The following LRFN2 variants were observed in gnomAD, a reference collection of about 807,000 sequenced individuals.
The protein encoded by LRFN2 is leucine rich repeat and fibronectin type III domain containing 2.
LRFN2 carries 18 observed loss-of-function variants against 37.3 expected under a neutral mutation model. The observed-to-expected ratio is 0.48, with a 90% confidence interval of 0.33 to 0.72. LRFN2 has a LOEUF of 0.72. Among genes scored for constraint, LRFN2 ranks in the 30% least tolerant of loss-of-function variants. LRFN2 has a pLI of 0.02. For missense variants in LRFN2, 1,006 were observed against 1,060.7 expected (o/e 0.95, Z 0.72); for synonymous variants, 556 against 466.6 (o/e 1.19, Z -2.47).
intron 1 of LRFN2, among the ~76,000 whole-genome samples, chr6:40,444,556 T>C (rs1309111599): frequency 6.6e-6 from 1 of 152,172 alleles, no homozygotes; most frequent in Non-Finnish European, 1.5e-5. Flanking sequence ...AATGGGAGTA[T>C]CCTGACTCTC....
chr6:40,428,764 C>T (rs1350480092), intron 2 of LRFN2, among the ~76,000 whole-genome samples: 1 of 152,168 alleles, frequency 6.6e-6, no homozygotes, highest in Non-Finnish European at 1.5e-5. Flanking sequence ...CACATAGTAG[C>T]CTGGCAGTAA....
At chr6:40,450,846 A>G (rs1053077149) in intron 1 of LRFN2, among the ~76,000 whole-genome samples, 2 of 152,242 alleles carry the variant, frequency 1.3e-5, no homozygotes, top group Non-Finnish European at 2.9e-5. Flanking sequence ...AATGAGTATT[A>G]TCTCGAGGAG....
At chr6:40,564,882 C>T (rs1398681098) in intron 1 of LRFN2, among the ~76,000 whole-genome samples, 1 of 152,170 alleles carries the variant, frequency 6.6e-6, no homozygotes, top group African/African-American at 2.4e-5. Flanking sequence ...AAAATCCCCC[C>T]AGCCTCCTCC....
At chr6:40,498,033 G>C (rs751306428) in intron 1 of LRFN2, among the ~76,000 whole-genome samples, 1 of 152,174 alleles carries the variant, frequency 6.6e-6, no homozygotes, top group Non-Finnish European at 1.5e-5. Flanking sequence ...GCAAAGGATG[G>C]GAGGACAGGG....
chr6:40,558,427 C>T (rs765664450), intron 1 of LRFN2, among the ~76,000 whole-genome samples: 6 of 152,158 alleles, frequency 3.9e-5, no homozygotes, highest in East Asian at 1.9e-4. Flanking sequence ...GAGTCCCCAG[C>T]GTTAGAAAGA....
chr6:40,487,478 C>T (rs1459573536), intron 1 of LRFN2, among the ~76,000 whole-genome samples: 2 of 152,218 alleles, frequency 1.3e-5, no homozygotes, highest in South Asian at 2.1e-4. Context: ...TTCCTCATCT[C>T]ACTAAATGGC....
intron 1 of LRFN2, among the ~76,000 whole-genome samples, chr6:40,559,461 G>A (rs1766952790): frequency 6.6e-6 from 1 of 152,144 alleles, no homozygotes; most frequent in Non-Finnish European, 1.5e-5. Context: ...AGCTGGGGTG[G>A]TCCCAGGCCT....
At chr6:40,459,337 A>T (rs932255988) in intron 1 of LRFN2, among the ~76,000 whole-genome samples, 1 of 152,346 alleles carries the variant, frequency 6.6e-6, no homozygotes, top group East Asian at 1.9e-4. Context: ...AGGAACTTCA[A>T]TTGTGAGGGA....
chr6:40,507,282 A>T (rs1011201639), intron 1 of LRFN2, among the ~76,000 whole-genome samples: 1 of 152,052 alleles, frequency 6.6e-6, no homozygotes, highest in Non-Finnish European at 1.5e-5. Context: ...TTAGTTCATG[A>T]TCTAAAAGGG....
chr6:40,558,232 C>G (rs1489947649), intron 1 of LRFN2, among the ~76,000 whole-genome samples: 1 of 152,200 alleles, frequency 6.6e-6, no homozygotes, highest in Non-Finnish European at 1.5e-5. Flanking sequence ...TTAACACCTC[C>G]TCTCCCTGTG....
Position 40,454,137 on chromosome 6 carries a change from T to A in LRFN2, c.-18-21006A>T, listed in dbSNP as rs543336557. On this transcript the variant is annotated intron_variant, in intron 1 of 2. Transcript: ENST00000338305. ...TCAATCTTATGGATAATTAAGGAAA[T>A]GCAAAGGAAAACACTTTAATTTCAT... Among the ~76,000 whole-genome samples, 7 of 152,298 alleles carry A rather than the reference T, an allele frequency of 4.6e-5. No homozygotes were observed. In the East Asian group the frequency reaches 1.4e-3, roughly 29 times the overall value.
Position 40,489,970 on chromosome 6 carries a change from C to A in LRFN2, c.-18-56839G>T, listed in dbSNP as rs1376463740. ...GTTCACTTCCCCTTGACCTCTCTGG[C>A]CTTTCTGCTCCTTCCCTCTATGCCT... On this transcript the variant is annotated intron_variant, in intron 1 of 2. Transcript: ENST00000338305. Among the ~76,000 whole-genome samples the A allele has an allele frequency of 2.6e-5, 4 of 152,190 alleles. No homozygotes were observed. The South Asian group carries it at 6.2e-4, about 24-fold the overall frequency.
intron 1 of LRFN2, among the ~76,000 whole-genome samples, chr6:40,537,502 G>T (rs993955692): frequency 3.9e-5 from 6 of 152,162 alleles, no homozygotes; most frequent in African/African-American, 1.4e-4. Context: ...TGAGCGGGCT[G>T]CTGTGAGAGA....
Position 40,432,157 on chromosome 6 carries a change from A to C in LRFN2, c.957T>G (p.Leu319=), listed in dbSNP as rs763634855. The change falls in exon 2 of 3, where the codon CTT becomes CTG. Residue 319 remains leucine (L), a synonymous_variant. Transcript: ENST00000338305. ...GGTCATCGGGGGCTACCCAGTGGATAAGGGGGCTGGGGTCCCCAATGGCTT... is the reference window on the plus strand; with the variant it reads ...GGTCATCGGGGGCTACCCAGTGGATCAGGGGGCTGGGGTCCCCAATGGCTT... ...KCKAIGDPSP[L]IHWVAPDDRL... 3 of 1,613,666 alleles carry C rather than the reference A, an allele frequency of 1.9e-6. No individual in the cohort carries two copies. In the African/African-American group the frequency reaches 4.0e-5, roughly 22 times the overall value.
At chr6:40,518,973 G>A (rs1036786466) in intron 1 of LRFN2, among the ~76,000 whole-genome samples, 1 of 152,118 alleles carries the variant, frequency 6.6e-6, no homozygotes, top group African/African-American at 2.4e-5. Flanking sequence ...CACGTTCAGT[G>A]GGGGCTGAAC....
chr6:40,581,913 C>T (rs981726485), intron 1 of LRFN2, among the ~76,000 whole-genome samples: 1 of 152,184 alleles, frequency 6.6e-6, no homozygotes, highest in Non-Finnish European at 1.5e-5. Flanking sequence ...GGAACCTCCA[C>T]AGACCCTCAG....
intron 1 of LRFN2, among the ~76,000 whole-genome samples, chr6:40,495,777 C>T (rs1765211146): frequency 6.6e-6 from 1 of 152,166 alleles, no homozygotes; most frequent in Non-Finnish European, 1.5e-5. Context: ...GATCCTTAAC[C>T]CTCTTCTCTT....
intron 1 of LRFN2, among the ~76,000 whole-genome samples, chr6:40,443,287 C>A (rs1381781038): frequency 1.3e-5 from 2 of 152,166 alleles, no homozygotes; most frequent in Non-Finnish European, 2.9e-5. Flanking sequence ...TGTTTTTGAG[C>A]CCCCACAGAT....
At chr6:40,426,938 T>G (rs1032035906) in intron 2 of LRFN2, among the ~76,000 whole-genome samples, 1 of 152,186 alleles carries the variant, frequency 6.6e-6, no homozygotes, top group African/African-American at 2.4e-5. Context: ...TATACTTCCA[T>G]TAGCGCAACT....
Sources: allele counts gnomAD v4.1 joint callset (sites outside exome capture counted in the v4.1 genomes callset), GRCh38; gene constraint gnomAD v4.1.1; transcripts MANE v1.5; gene names NCBI Gene and HGNC (gene_info 2026-07-23, HGNC 2026-07-21).